The following ZNF475 variants were observed in gnomAD, a reference collection of about 807,000 sequenced individuals.
The protein encoded by ZNF475 is zinc finger protein 475.
the ZNF475 span, among the ~76,000 whole-genome samples, chr5:122,165,047 T>C: frequency 6.6e-6 from 1 of 152,238 alleles, no homozygotes; most frequent in African/African-American, 2.4e-5. Flanking sequence ...GGGCAAGTTC[T>C]CAGTTCTGTA....
chr5:122,165,160 C>G, the ZNF475 span, among the ~76,000 whole-genome samples: 4 of 152,222 alleles, frequency 2.6e-5, no homozygotes, highest in East Asian at 7.7e-4. Context: ...CCCTTTCCTC[C>G]AGATGCATCT....
chr5:122,166,261 A>G, the ZNF475 span, among the ~76,000 whole-genome samples: 1 of 152,234 alleles, frequency 6.6e-6, no homozygotes, highest in Non-Finnish European at 1.5e-5. Context: ...TGTTTTGTGC[A>G]TATATACACA....
chr5:122,179,714 A>G, the ZNF475 span: 1 of 1,518,424 alleles, frequency 6.6e-7, no homozygotes, highest in African/African-American at 1.4e-5. Flanking sequence ...AAAAACCAGA[A>G]GTCAGGACCA....
At chr5:122,168,088 A>C in the ZNF475 span, among the ~76,000 whole-genome samples, 1 of 152,156 alleles carries the variant, frequency 6.6e-6, no homozygotes, top group Non-Finnish European at 1.5e-5. Flanking sequence ...TCTGTTTCCC[A>C]GGCTGGAGTG....
At chr5:122,164,454 C>A in the ZNF475 span, among the ~76,000 whole-genome samples, 1 of 152,154 alleles carries the variant, frequency 6.6e-6, no homozygotes, top group Non-Finnish European at 1.5e-5. Flanking sequence ...ATTGGGTAGA[C>A]CAGGTGAGAT....
the ZNF475 span, among the ~76,000 whole-genome samples, chr5:122,166,066 T>G: frequency 1.3e-5 from 2 of 152,188 alleles, no homozygotes; most frequent in Admixed American, 6.5e-5. Flanking sequence ...TCTTGTGCCC[T>G]TCTAGAGCCA....
At chr5:122,171,272 CT>C in the ZNF475 span, among the ~76,000 whole-genome samples, 6 of 152,032 alleles carry the variant, frequency 3.9e-5, no homozygotes, top group Non-Finnish European at 8.8e-5. Context: ...TTTTTTATTA[CT>C]TTTTATTATA....
the ZNF475 span, among the ~76,000 whole-genome samples, chr5:122,172,805 G>A: frequency 2.0e-5 from 3 of 152,144 alleles, no homozygotes; most frequent in East Asian, 3.9e-4. Flanking sequence ...AGGCCGAGGC[G>A]GATGGATCAC....
chr5:122,179,889 C>T, the ZNF475 span: 1 of 521,740 alleles, frequency 1.9e-6, no homozygotes, highest in Non-Finnish European at 3.3e-6. Context: ...TCTGAAATGC[C>T]TGTCCAAAGA....
chr5:122,182,428 C>G, the ZNF475 span: 2 of 1,306,324 alleles, frequency 1.5e-6, no homozygotes, highest in Admixed American at 6.0e-5. Context: ...CTTTTTCTTT[C>G]CCTTTTGTTT....
chr5:122,174,573 A>G, the ZNF475 span, among the ~76,000 whole-genome samples: 1 of 152,216 alleles, frequency 6.6e-6, no homozygotes, highest in Non-Finnish European at 1.5e-5. Flanking sequence ...AAAATGTAAT[A>G]TAGAACATCT....
the ZNF475 span, among the ~76,000 whole-genome samples, chr5:122,174,281 C>T: frequency 2.9e-3 from 435 of 152,320 alleles, 4 homozygotes; most frequent in African/African-American, 9.8e-3. Flanking sequence ...AATAGGAAAA[C>T]CTTGGCAGCT....
At chr5:122,173,496 C>A in the ZNF475 span, among the ~76,000 whole-genome samples, 40 of 152,234 alleles carry the variant, frequency 2.6e-4, no homozygotes, top group African/African-American at 9.4e-4. Context: ...AGGTTATATA[C>A]AATAATTAGG....
chr5:122,169,087 C>A, the ZNF475 span, among the ~76,000 whole-genome samples: 1 of 152,200 alleles, frequency 6.6e-6, no homozygotes, highest in Non-Finnish European at 1.5e-5. Flanking sequence ...CACTTGTACA[C>A]TTCCTCTAAG....
chr5:122,171,950 G>T, the ZNF475 span, among the ~76,000 whole-genome samples: 2,258 of 152,068 alleles, frequency 0.015, 56 homozygotes, highest in African/African-American at 0.052. Context: ...GATTGCTCAG[G>T]CTCAGGCTGG....
At chr5:122,166,061 T>C in the ZNF475 span, among the ~76,000 whole-genome samples, 2 of 152,220 alleles carry the variant, frequency 1.3e-5, no homozygotes, top group African/African-American at 4.8e-5. Flanking sequence ...ATTGTTCTTG[T>C]GCCCTTCTAG....
At chr5:122,161,632 G>T in the ZNF475 span, among the ~76,000 whole-genome samples, 1 of 152,144 alleles carries the variant, frequency 6.6e-6, no homozygotes, top group Non-Finnish European at 1.5e-5. Flanking sequence ...TCCAAGTTCA[G>T]GTCAGAGAGC....
At chr5:122,180,513 A>G in the ZNF475 span, among the ~76,000 whole-genome samples, 2 of 152,224 alleles carry the variant, frequency 1.3e-5, no homozygotes, top group African/African-American at 2.4e-5. Context: ...CATTTAGGGT[A>G]TGAGAATAGT....
chr5:122,182,346 A>T, the ZNF475 span: 1 of 574,194 alleles, frequency 1.7e-6, no homozygotes, highest in Non-Finnish European at 2.8e-6. Flanking sequence ...CTCAGTCAAC[A>T]GGTATTTCCT....
Sources: allele counts gnomAD v4.1 joint callset (sites outside exome capture counted in the v4.1 genomes callset), GRCh38; gene constraint gnomAD v4.1.1; transcripts MANE v1.5; gene names NCBI Gene and HGNC (gene_info 2026-07-23, HGNC 2026-07-21).